Variants in NKAIN2 observed in about 807,000 individuals in gnomAD.
NKAIN2 encodes sodium/potassium-transporting ATPase subunit beta-1-interacting protein 2.
In NKAIN2, 14 loss-of-function variants were observed where a neutral mutation model predicts 32.6. The ratio of observed to expected loss-of-function variants is 0.43; its 90% CI spans 0.28 to 0.67. The LOEUF is 0.67. NKAIN2 is among the 30% of genes least tolerant of loss of function. The pLI is 0.17. For synonymous variants in NKAIN2, 80 were observed against 87.2 expected, an observed-to-expected ratio of 0.92 and a Z score of 0.46; for missense variants, 198 against 258.3, an observed-to-expected ratio of 0.77 and a Z score of 1.60.
At chr6:123,849,853 G>A (rs1775241263) in intron 1 of NKAIN2, among the ~76,000 whole-genome samples, 1 of 151,066 alleles carries the variant, frequency 6.6e-6, no homozygotes, top group African/African-American at 2.4e-5. Context: ...GCTTTCATAA[G>A]TATTCAGTGA....
At chr6:124,232,298 G>A (rs927443374) in intron 1 of NKAIN2, among the ~76,000 whole-genome samples, 6 of 152,206 alleles carry the variant, frequency 3.9e-5, no homozygotes, top group Non-Finnish European at 7.4e-5. Context: ...TACTTGATTA[G>A]AAAAGGTTTG....
intron 1 of NKAIN2, among the ~76,000 whole-genome samples, chr6:123,991,912 A>T (rs200593783): frequency 6.6e-6 from 1 of 152,098 alleles, no homozygotes; most frequent in African/African-American, 2.4e-5. Flanking sequence ...TAAGGACATT[A>T]AAAAAATCAA....
intron 4 of NKAIN2, among the ~76,000 whole-genome samples, chr6:124,781,972 C>T (rs1182028142): frequency 1.3e-5 from 2 of 152,144 alleles, no homozygotes; most frequent in Non-Finnish European, 2.9e-5. Flanking sequence ...CCTACCTTCA[C>T]TCCCATTCAT....
chr6:124,458,314 G>T (rs1365040233), intron 3 of NKAIN2, among the ~76,000 whole-genome samples: 1 of 151,876 alleles, frequency 6.6e-6, no homozygotes, highest in Admixed American at 6.6e-5. Flanking sequence ...TGTGCAGCAG[G>T]TTTAGCATTC....
At chr6:124,230,092 A>G (rs1038082254) in intron 1 of NKAIN2, among the ~76,000 whole-genome samples, 1 of 152,104 alleles carries the variant, frequency 6.6e-6, no homozygotes, top group Non-Finnish European at 1.5e-5. Flanking sequence ...TGCTGATGGT[A>G]TGGTCAATGA....
At chr6:124,554,457 C>T (rs895559843) in intron 3 of NKAIN2, among the ~76,000 whole-genome samples, 10 of 152,212 alleles carry the variant, frequency 6.6e-5, no homozygotes, top group African/African-American at 2.4e-4. Context: ...CCCAAGGTTG[C>T]TTCTAAGTAG....
At chr6:124,717,503 A>C (rs1433750391) in intron 4 of NKAIN2, among the ~76,000 whole-genome samples, 1 of 152,176 alleles carries the variant, frequency 6.6e-6, no homozygotes, top group Non-Finnish European at 1.5e-5. Context: ...TGGCATAACT[A>C]AAAAACAAAA....
chr6:124,678,595 T>A lies in NKAIN2; in HGVS notation c.474+20209T>A, dbSNP rs535074570. Among the ~76,000 whole-genome samples, 3 of 152,340 alleles carry A rather than the reference T, an allele frequency of 2.0e-5. No individual in the cohort carries two copies. The South Asian group carries it at 6.2e-4, about 32-fold the overall frequency. ...TTAATATTTTTCATCTCTTTGTTAATAATCTCATTTTGTTCACCCATTGTT... is the reference window on the plus strand; with the variant it reads ...TTAATATTTTTCATCTCTTTGTTAAAAATCTCATTTTGTTCACCCATTGTT... On this transcript the variant is annotated intron_variant, in intron 4 of 6. Transcript: ENST00000368417.
chr6:124,705,856 C>T (rs1008281707), intron 4 of NKAIN2, among the ~76,000 whole-genome samples: 1 of 151,988 alleles, frequency 6.6e-6, no homozygotes, highest in African/African-American at 2.4e-5. Flanking sequence ...TATTTTAAAA[C>T]AGACAGTCAA....
intron 4 of NKAIN2, among the ~76,000 whole-genome samples, chr6:124,715,642 G>A (rs1267777146): frequency 1.3e-5 from 2 of 152,198 alleles, no homozygotes; most frequent in African/African-American, 2.4e-5. Flanking sequence ...CAAGGACCAC[G>A]ATGTACATTG....
intron 2 of NKAIN2, among the ~76,000 whole-genome samples, chr6:124,325,170 A>G (rs557699812): frequency 3.0e-4 from 45 of 152,088 alleles, no homozygotes; most frequent in Non-Finnish European, 6.6e-4. Context: ...CCATAAGGAA[A>G]TTTTCAGGCT....
chr6:124,734,880 A>G (rs916314496), intron 4 of NKAIN2, among the ~76,000 whole-genome samples: 1 of 151,832 alleles, frequency 6.6e-6, no homozygotes, highest in Non-Finnish European at 1.5e-5. Flanking sequence ...TGCTTAATAC[A>G]TTTTTCCTTG....
intron 1 of NKAIN2, among the ~76,000 whole-genome samples, chr6:124,089,555 G>A (rs1292252121): frequency 2.0e-5 from 3 of 151,778 alleles, no homozygotes; most frequent in African/African-American, 4.8e-5. Flanking sequence ...GTGTTTATGT[G>A]ACTTTCTCTT....
intron 1 of NKAIN2, among the ~76,000 whole-genome samples, chr6:124,199,196 A>T (rs1790484196): frequency 6.6e-6 from 1 of 152,322 alleles, no homozygotes; most frequent in Admixed American, 6.5e-5. Flanking sequence ...TCTCCTAAAA[A>T]GTGTCTGGAT....
At chr6:124,456,312 A>G (rs1365420553) in intron 3 of NKAIN2, among the ~76,000 whole-genome samples, 3 of 148,762 alleles carry the variant, frequency 2.0e-5, no homozygotes, top group Admixed American at 1.3e-4. Context: ...TTATTCCACA[A>G]TAAAAAAAAA....
At chr6:124,760,013 C>A (rs1778185296) in intron 4 of NKAIN2, among the ~76,000 whole-genome samples, 1 of 151,976 alleles carries the variant, frequency 6.6e-6, no homozygotes, top group Admixed American at 6.6e-5. Flanking sequence ...ACAGGGAACA[C>A]CTAGTTGACT....
intron 5 of NKAIN2, among the ~76,000 whole-genome samples, chr6:124,809,632 T>C (rs1780781414): frequency 6.7e-6 from 1 of 149,200 alleles, no homozygotes; most frequent in Admixed American, 6.7e-5. Flanking sequence ...AATTGACAAA[T>C]GGGATCTAAT....
intron 4 of NKAIN2, among the ~76,000 whole-genome samples, chr6:124,689,125 T>A (rs1765664): frequency 0.39 from 59,624 of 151,900 alleles, 11,779 homozygotes; most frequent in African/African-American, 0.42. Context: ...TTCCTCCACA[T>A]CCTTGCCAGC....
intron 4 of NKAIN2, among the ~76,000 whole-genome samples, chr6:124,764,193 A>G (rs114041128): frequency 0.011 from 1,621 of 152,288 alleles, 40 homozygotes; most frequent in African/African-American, 0.037. Context: ...ATTTTCACTA[A>G]CTTCTAACTG....
Sources: allele counts gnomAD v4.1 joint callset (sites outside exome capture counted in the v4.1 genomes callset), GRCh38; gene constraint gnomAD v4.1.1; transcripts MANE v1.5; gene names NCBI Gene and HGNC (gene_info 2026-07-23, HGNC 2026-07-21).